SLC25A21: variants seen among roughly 807,000 people sequenced by gnomAD.
The protein encoded by SLC25A21 is mitochondrial 2-oxodicarboxylate carrier.
A neutral mutation model predicts 43.8 loss-of-function variants in SLC25A21; 47 were observed. The ratio of observed to expected loss-of-function variants is 1.07; its 90% CI spans 0.85 to 1.37. The LOEUF (loss-of-function observed/expected upper bound fraction) is 1.37, where lower values mean the gene tolerates loss of function less well. SLC25A21 is among the 40% of genes most tolerant of loss of function. The pLI is 0.00. For missense variants in SLC25A21, 352 were observed against 350.2 expected (o/e 1.00, Z -0.04); for synonymous variants, 131 against 121.3 (o/e 1.08, Z -0.52).
chr14:36,680,512 A>ATTT lies in SLC25A21; in HGVS notation c.*143_*145dup. On this transcript the variant is annotated 3_prime_UTR_variant, in exon 10 of 10. Coordinates refer to ENST00000331299, the MANE Select transcript of SLC25A21 (RefSeq NM_030631.4). ...CTATAATCTCAAGTTGCCTATAGACATTTTTTAAAGTATTAAAATAGATTT... is the reference window on the plus strand; with the variant it reads ...CTATAATCTCAAGTTGCCTATAGACATTTTTTTTTAAAGTATTAAAATAGATTT... The ATTT allele has an allele frequency of 1.5e-6, 2 of 1,301,544 alleles. No individual in the cohort carries two copies. Among genetic ancestry groups the ATTT allele is most frequent in the Non-Finnish European group, 2.0e-6 (2 of 1,023,176 alleles). The allele number at this position is 1,301,544 out of a possible 1,614,324, so 80.6% of individuals were successfully genotyped here. A position where few individuals can be genotyped will look rare whatever the true frequency, so the allele number is the denominator to read the frequency against.
chr14:36,942,653 A>G lies in SLC25A21; in HGVS notation c.71-67649T>C, dbSNP rs907179207. On this transcript the variant is annotated intron_variant, in intron 1 of 9. Transcript: ENST00000331299. ...AGAGGAAAAAGACCAGCTGTGGTGA[A>G]AAATATAACGTGGTGAAAAGACTTG... Among the ~76,000 whole-genome samples, 12 of 152,318 alleles carry G rather than the reference A, an allele frequency of 7.9e-5. No homozygotes were observed. In the South Asian group the frequency reaches 2.5e-3, roughly 32 times the overall value.
intron 1 of SLC25A21, among the ~76,000 whole-genome samples, chr14:36,981,677 G>A (rs1354797113): frequency 1.3e-5 from 2 of 152,028 alleles, no homozygotes; most frequent in Non-Finnish European, 2.9e-5. Context: ...ATCACACACT[G>A]GGGCCTGTCG....
intron 7 of SLC25A21, among the ~76,000 whole-genome samples, chr14:36,697,427 T>G (rs1478058243): frequency 6.6e-6 from 1 of 152,214 alleles, no homozygotes; most frequent in Non-Finnish European, 1.5e-5. Flanking sequence ...CTATTAAGTC[T>G]GCTTGTTGCA....
At chr14:37,034,056 G>A (rs1010767718) in intron 1 of SLC25A21, among the ~76,000 whole-genome samples, 4 of 151,488 alleles carry the variant, frequency 2.6e-5, no homozygotes, top group Admixed American at 6.6e-5. Context: ...TCACTCTGTC[G>A]CCCAGGCTGG....
chr14:37,077,426 T>C (rs890828195), intron 1 of SLC25A21, among the ~76,000 whole-genome samples: 14 of 152,312 alleles, frequency 9.2e-5, no homozygotes, highest in African/African-American at 2.6e-4. Flanking sequence ...TTTACTTGAC[T>C]ACCTTCACAC....
At chr14:36,799,235 G>T (rs1031665382) in intron 3 of SLC25A21, among the ~76,000 whole-genome samples, 1 of 152,142 alleles carries the variant, frequency 6.6e-6, no homozygotes, top group East Asian at 1.9e-4. Context: ...ATGGGGTAGA[G>T]GAAGGAGTGA....
intron 1 of SLC25A21, among the ~76,000 whole-genome samples, chr14:36,910,436 G>C (rs1460755550): frequency 6.6e-6 from 1 of 152,138 alleles, no homozygotes; most frequent in Non-Finnish European, 1.5e-5. Flanking sequence ...TTTCTAAAGG[G>C]AGAACTCTTG....
At chr14:36,806,184 C>T (rs1344576012) in intron 3 of SLC25A21, among the ~76,000 whole-genome samples, 1 of 151,738 alleles carries the variant, frequency 6.6e-6, no homozygotes, top group African/African-American at 2.4e-5. Flanking sequence ...TGCCACTGCA[C>T]TCCAGCCTGG....
At chr14:36,706,852 G>A (rs1376601632) in intron 7 of SLC25A21, among the ~76,000 whole-genome samples, 1 of 151,526 alleles carries the variant, frequency 6.6e-6, no homozygotes, top group Admixed American at 6.6e-5. Flanking sequence ...CACACATTCT[G>A]CCTCTCCCTC....
chr14:36,730,402 G>A (rs1309341099), intron 4 of SLC25A21, among the ~76,000 whole-genome samples: 1 of 152,084 alleles, frequency 6.6e-6, no homozygotes, highest in African/African-American at 2.4e-5. Context: ...CAACACCACT[G>A]ATAAGGCACG....
intron 1 of SLC25A21, among the ~76,000 whole-genome samples, chr14:37,045,648 G>A (rs190213298): frequency 1.4e-3 from 206 of 152,282 alleles, no homozygotes; most frequent in African/African-American, 4.9e-3. Context: ...TGCAGTCTCC[G>A]TTTGGACCTG....
intron 3 of SLC25A21, among the ~76,000 whole-genome samples, chr14:36,808,419 T>C (rs1180767576): frequency 6.6e-6 from 1 of 152,182 alleles, no homozygotes; most frequent in Non-Finnish European, 1.5e-5. Context: ...ACTGAACATA[T>C]ACTAGTCTCA....
intron 1 of SLC25A21, among the ~76,000 whole-genome samples, chr14:36,947,358 G>A (rs936334917): frequency 3.9e-5 from 6 of 152,212 alleles, no homozygotes; most frequent in African/African-American, 4.8e-5. Flanking sequence ...CAGTCTTGAA[G>A]ACAAAAAGCA....
chr14:37,156,757 T>C (rs143068468), intron 1 of SLC25A21, among the ~76,000 whole-genome samples: 229 of 152,050 alleles, frequency 1.5e-3, no homozygotes, highest in Admixed American at 2.7e-3. Flanking sequence ...GTGCACTCTA[T>C]ACTGAAGCAC....
intron 1 of SLC25A21, among the ~76,000 whole-genome samples, chr14:36,882,810 G>A (rs1055158911): frequency 1.3e-5 from 2 of 151,360 alleles, no homozygotes; most frequent in Admixed American, 6.6e-5. Context: ...TCTAAAACTG[G>A]ATTCCTGACC....
chr14:36,717,431 G>C (rs931638117), intron 6 of SLC25A21, among the ~76,000 whole-genome samples: 4 of 152,228 alleles, frequency 2.6e-5, no homozygotes, highest in African/African-American at 7.2e-5. Flanking sequence ...CAACCGGTGA[G>C]TGGAGAAGAA....
intron 1 of SLC25A21, among the ~76,000 whole-genome samples, chr14:37,050,181 G>A (rs556926801): frequency 6.6e-6 from 1 of 152,286 alleles, no homozygotes; most frequent in South Asian, 2.1e-4. Context: ...AATTATTTAT[G>A]AGTGCAAAAA....
At position 36,684,871 on chromosome 14, in the gene SLC25A21, T is replaced by C. The variant is rs765093427; in HGVS notation, c.658A>G (p.Ile220Val). The C allele has an allele frequency of 6.8e-6, 11 of 1,613,934 alleles. No homozygotes were observed. Among genetic ancestry groups the C allele is most frequent in the South Asian group, 6.6e-5 (6 of 91,060 alleles). Residue 220 changes from isoleucine (I) to valine (V), a missense_variant, in exon 8 of 10, where the codon ATA becomes GTA. Transcript: ENST00000331299. The part of the protein sequence containing the change: ...KFGIGLLSGT[I>V]ASVINIPFDV... ...AAAGGGATGTTAATGACTGAGGCTATTGTCCCCGAGAGAAGACCAATCCCA... is the reference window on the plus strand; with the variant it reads ...AAAGGGATGTTAATGACTGAGGCTACTGTCCCCGAGAGAAGACCAATCCCA...
chr14:37,064,500 G>T (rs1727008838), intron 1 of SLC25A21, among the ~76,000 whole-genome samples: 1 of 152,028 alleles, frequency 6.6e-6, no homozygotes, highest in Non-Finnish European at 1.5e-5. Flanking sequence ...TACTCCAGTT[G>T]TGGAGTTGGT....
Sources: gnomAD v4.1 joint callset for allele counts (sites outside exome capture counted in the v4.1 genomes callset) on GRCh38, gnomAD v4.1.1 for gene constraint, MANE v1.5 for transcripts, NCBI Gene and HGNC (gene_info 2026-07-23, HGNC 2026-07-21) for gene names.